Variants in ROBO1 observed in about 807,000 individuals in gnomAD.
The protein encoded by ROBO1 is roundabout guidance receptor 1, also known as roundabout homolog 1.
A neutral mutation model predicts 195.9 loss-of-function variants in ROBO1; 149 were observed. The ratio of observed to expected loss-of-function variants is 0.76; its 90% CI spans 0.67 to 0.87. ROBO1 has a LOEUF of 0.87. Ranked by LOEUF, ROBO1 falls within the 40% of genes least tolerant of loss-of-function variation. The probability of loss-of-function intolerance (pLI) is 0.00; values close to 1 mark genes in which losing one functional copy is unlikely to be tolerated. For missense variants in ROBO1, 1,933 were observed against 2,068.3 expected (o/e 0.93, Z 1.27); for synonymous variants, 816 against 733.2 (o/e 1.11, Z -1.82).
chr3:79,144,004 C>T (rs532222545), intron 2 of ROBO1, among the ~76,000 whole-genome samples: 12 of 151,582 alleles, frequency 7.9e-5, no homozygotes, highest in East Asian at 2.0e-4. Flanking sequence ...CAAAGATTTT[C>T]GCAGTTTTTT....
At chr3:79,580,566 T>G in intron 2 of ROBO1, among the ~76,000 whole-genome samples, 1 of 152,082 alleles carries the variant, frequency 6.6e-6, no homozygotes, top group Admixed American at 6.6e-5. Flanking sequence ...TTTAAGAGAA[T>G]AAAAGTTTGT....
At chr3:79,035,081 C>T (rs553535322) in intron 3 of ROBO1, among the ~76,000 whole-genome samples, 8 of 151,926 alleles carry the variant, frequency 5.3e-5, no homozygotes, top group South Asian at 2.1e-4. Flanking sequence ...AAATAGCAAT[C>T]GTTGGTATCT....
At chr3:79,353,887 A>C (rs918096239) in intron 2 of ROBO1, among the ~76,000 whole-genome samples, 2 of 152,052 alleles carry the variant, frequency 1.3e-5, no homozygotes, top group Non-Finnish European at 2.9e-5. Context: ...CCTACTAAAA[A>C]TACAAAAATT....
intron 2 of ROBO1, among the ~76,000 whole-genome samples, chr3:79,334,300 T>TA (rs59858022): frequency 0.29 from 34,647 of 117,772 alleles, 5,070 homozygotes; most frequent in South Asian, 0.32. Context: ...AGACTCTGTC[T>TA]AAAAAAAAAA....
At chr3:78,934,105 T>C (rs1254820950) in intron 4 of ROBO1, among the ~76,000 whole-genome samples, 1 of 152,032 alleles carries the variant, frequency 6.6e-6, no homozygotes, top group Non-Finnish European at 1.5e-5. Context: ...GATAAGAGGA[T>C]TTGTTTAAAT....
At chr3:78,699,395 C>CAAAAA (rs60574193) in intron 8 of ROBO1, among the ~76,000 whole-genome samples, 6 of 83,048 alleles carry the variant, frequency 7.2e-5, no homozygotes, top group African/African-American at 2.4e-4. Context: ...ACTAAAAATA[C>CAAAAA]AAAAAAAAAA....
intron 1 of ROBO1, among the ~76,000 whole-genome samples, chr3:79,751,969 T>C (rs1704146905): frequency 6.6e-6 from 1 of 152,264 alleles, no homozygotes; most frequent in East Asian, 1.9e-4. Flanking sequence ...AAGAATGTAA[T>C]TATCACCTGT....
chr3:79,471,770 T>A (rs1938287835), intron 2 of ROBO1, among the ~76,000 whole-genome samples: 1 of 151,922 alleles, frequency 6.6e-6, no homozygotes, highest in Non-Finnish European at 1.5e-5. Flanking sequence ...AAAGGATGAG[T>A]TCATGTCCTT....
chr3:79,499,237 C>T (rs1939923047), intron 2 of ROBO1, among the ~76,000 whole-genome samples: 1 of 152,136 alleles, frequency 6.6e-6, no homozygotes, highest in Admixed American at 6.5e-5. Context: ...TCAGGTGATC[C>T]ACCCACCTTG....
intron 2 of ROBO1, among the ~76,000 whole-genome samples, chr3:79,210,648 A>T (rs2081952196): frequency 1.3e-5 from 2 of 152,172 alleles, no homozygotes; most frequent in South Asian, 4.1e-4. Context: ...AGCATGAAGG[A>T]TAGGAGCAAA....
chr3:79,406,267 TA>T (rs967140798), intron 2 of ROBO1, among the ~76,000 whole-genome samples: 6 of 142,698 alleles, frequency 4.2e-5, no homozygotes, highest in African/African-American at 1.3e-4. Flanking sequence ...AAAAAATCTC[TA>T]AAAAAAAAAG....
At chr3:78,621,306 A>G (rs928492734) in intron 26 of ROBO1, among the ~76,000 whole-genome samples, 5 of 152,210 alleles carry the variant, frequency 3.3e-5, no homozygotes, top group Admixed American at 2.6e-4. Flanking sequence ...CCAAAATACC[A>G]CAAGAAACTT....
chr3:79,070,660 T>C (rs1269637098), intron 3 of ROBO1, among the ~76,000 whole-genome samples: 1 of 151,874 alleles, frequency 6.6e-6, no homozygotes, highest in African/African-American at 2.4e-5. Flanking sequence ...TTATGTAATA[T>C]GTAACTATTA....
At chr3:79,459,815 T>A (rs1055020694) in intron 2 of ROBO1, among the ~76,000 whole-genome samples, 3 of 152,054 alleles carry the variant, frequency 2.0e-5, no homozygotes, top group Non-Finnish European at 4.4e-5. Flanking sequence ...AATAAAATAA[T>A]AAAATAAGGT....
At chr3:79,378,215 GTC>G (rs2109360528) in intron 2 of ROBO1, among the ~76,000 whole-genome samples, 1 of 145,766 alleles carries the variant, frequency 6.9e-6, no homozygotes, top group South Asian at 2.2e-4. Context: ...CTCTCTCTCT[GTC>G]TCTCTCTGCT....
chr3:79,073,462 G>T (rs1048100187), intron 3 of ROBO1, among the ~76,000 whole-genome samples: 1 of 151,690 alleles, frequency 6.6e-6, no homozygotes, highest in African/African-American at 2.4e-5. Context: ...CCAGTCTCAG[G>T]GTCTCTGTAG....
chr3:79,552,501 A>G (rs1465400425), intron 2 of ROBO1, among the ~76,000 whole-genome samples: 1 of 152,128 alleles, frequency 6.6e-6, no homozygotes, highest in Admixed American at 6.6e-5. Context: ...TGAGTTTTAT[A>G]GAAGCAACCT....
intron 4 of ROBO1, among the ~76,000 whole-genome samples, chr3:78,850,036 A>G (rs1451809699): frequency 6.6e-6 from 1 of 152,194 alleles, no homozygotes; most frequent in East Asian, 1.9e-4. Context: ...ACGGTGTTCC[A>G]TACAGTAACA....
At chr3:78,682,447 GTATATGTATA>G (rs199702968) in intron 10 of ROBO1, among the ~76,000 whole-genome samples, 1,588 of 148,496 alleles carry the variant, frequency 0.011, 37 homozygotes, top group African/African-American at 0.037. Flanking sequence ...ATGACTGTGT[GTATATGTATA>G]TATATGTATA....
Sources: gnomAD v4.1 joint callset for allele counts (sites outside exome capture counted in the v4.1 genomes callset) on GRCh38, gnomAD v4.1.1 for gene constraint, MANE v1.5 for transcripts, NCBI Gene and HGNC (gene_info 2026-07-23, HGNC 2026-07-21) for gene names.